The following RGCC variants were observed in gnomAD, a reference collection of about 807,000 sequenced individuals.
RGCC encodes the protein regulator of cell cycle RGCC.
RGCC carries 15 observed loss-of-function variants against 15.4 expected under a neutral mutation model. The observed-to-expected ratio is 0.97, with a 90% CI of 0.65 to 1.50. The LOEUF (loss-of-function observed/expected upper bound fraction) is 1.50. RGCC is among the 40% of genes most tolerant of loss of function. RGCC has a pLI of 0.00. For synonymous variants in RGCC, 81 were observed against 78.0 expected (o/e 1.04, Z -0.20); for missense variants, 176 against 189.7 (o/e 0.93, Z 0.42).
In RGCC at chr13:41,464,495, G is replaced by T. The variant is rs1310531288; in HGVS notation, c.236-2328G>T. On this transcript the variant is annotated intron_variant, in intron 2 of 4. Transcript: ENST00000379359. ...CTCGGTTGAGGGAGCCAGCAGGAGG[G>T]CTTCCCAAGTAAGGTTCCACGGAGT... 2.6e-4 allele frequency among the ~76,000 whole-genome samples: 39 copies of T among 152,252 alleles called. 1 individual carries two copies.
Position 41,457,641 on chromosome 13 carries a change from CG to C in RGCC, c.-66del, listed in dbSNP as rs575995929. ...TGAAGTGTGCGGGACAGCAAGCCCC[CG>C]AATAGCCCCGGCTGCCACCTCGCAG... On this transcript the variant is annotated 5_prime_UTR_variant, in exon 1 of 5. Transcript: ENST00000379359. The surrounding 1 kb of genome is among the most constrained non-coding windows in gnomAD (Gnocchi z 4.9). 2.1e-4 allele frequency: 314 copies of C among 1,500,304 alleles called. 5 individuals carry two copies. The South Asian group carries it at 3.7e-3, about 18-fold the overall frequency. 92.9% of individuals were successfully genotyped at this position (1,500,304 alleles called of 1,614,324 possible). A position where few individuals can be genotyped will look rare whatever the true frequency, so the allele number is the denominator to read the frequency against.
Position 41,457,929 on chromosome 13 carries a change from G to T in RGCC, c.49+173G>T, listed in dbSNP as rs1446567512. On this transcript the variant is annotated intron_variant, in intron 1 of 4. Transcript: ENST00000379359. This position sits in a 1 kb window ranked among gnomAD's most constrained non-coding sequence, Gnocchi z 4.9. ...GCAGCCTCCTTTCCGGCCCGGGCTGGCCCCCATGTCCCACCTTCCCTCCAC... is the reference window on the plus strand; with the variant it reads ...GCAGCCTCCTTTCCGGCCCGGGCTGTCCCCCATGTCCCACCTTCCCTCCAC... Among the ~76,000 whole-genome samples the T allele has an allele frequency of 1.3e-5, 2 of 151,816 alleles. No individual in the cohort carries two copies. Among genetic ancestry groups the T allele is most frequent in the African/African-American group, 4.8e-5 (2 of 41,364 alleles).
intron 2 of RGCC, among the ~76,000 whole-genome samples, chr13:41,463,927 A>G (rs1034188984): frequency 2.0e-5 from 3 of 152,180 alleles, no homozygotes; most frequent in Admixed American, 6.5e-5. Context: ...TGTGAGGTGA[A>G]CAAATTGTGG....
At chr13:41,466,288 AAC>A (rs374828713) in intron 2 of RGCC, among the ~76,000 whole-genome samples, 325 of 143,220 alleles carry the variant, frequency 2.3e-3, no homozygotes, top group African/African-American at 5.1e-3. Flanking sequence ...CTTTCACACA[AAC>A]ACACACACAC....
At chr13:41,465,837 A>G (rs1481012152) in intron 2 of RGCC, among the ~76,000 whole-genome samples, 8 of 152,136 alleles carry the variant, frequency 5.3e-5, no homozygotes, top group Non-Finnish European at 8.8e-5. Context: ...CAAGAGAGCA[A>G]AGATCTCTCT....
chr13:41,459,148 C>T (rs904110870), intron 2 of RGCC, among the ~76,000 whole-genome samples: 2 of 152,130 alleles, frequency 1.3e-5, no homozygotes, highest in Non-Finnish European at 2.9e-5. Flanking sequence ...GTCTCTTTGT[C>T]CTGAACAACT....
intron 4 of RGCC, 119 bp from the exon 5 acceptor site, chr13:41,470,359 G>A (rs796083372): frequency 3.0e-5 from 30 of 998,294 alleles, no homozygotes; most frequent in African/African-American, 2.7e-4. Flanking sequence ...GACACTCATC[G>A]TGTGGGAAGC....
At chr13:41,464,462 G>A (rs2043837813) in intron 2 of RGCC, among the ~76,000 whole-genome samples, 1 of 152,128 alleles carries the variant, frequency 6.6e-6, no homozygotes, top group South Asian at 2.1e-4. Context: ...CCCACCTTTG[G>A]AGGTGGGCTC....
In RGCC at chr13:41,458,453, G is replaced by A. The variant is rs2043804702; in HGVS notation, c.218G>A (p.Gly73Asp). The change falls in exon 2 of 5, where the codon GGC becomes GAC. Residue 73 changes from glycine to aspartate, a missense_variant. Gly to Asp is a moderately conservative substitution (Grantham distance 94). Coordinates refer to ENST00000379359, the MANE Select transcript of RGCC (RefSeq NM_014059.3). This position sits in a 1 kb window ranked among gnomAD's most constrained non-coding sequence, Gnocchi z 4.4. ...AGCGCCAGTGTCAGCGACAGCAGCG[G>A]CTTCAGCGACTCGGAGAGTAAGTGC... ...RSSASVSDSS[G>D]FSDSESADSL... is the part of the protein sequence containing the mutation. The A allele has an allele frequency of 1.3e-6, 2 of 1,598,584 alleles. No individual in the cohort carries two copies. Among genetic ancestry groups the A allele is most frequent in the Non-Finnish European group, 1.7e-6 (2 of 1,177,560 alleles).
At chr13:41,463,682 C>T (rs1394890771) in intron 2 of RGCC, among the ~76,000 whole-genome samples, 1 of 152,150 alleles carries the variant, frequency 6.6e-6, no homozygotes, top group Non-Finnish European at 1.5e-5. Context: ...AAAATTCTCA[C>T]ATCAAGAAGG....
intron 2 of RGCC, among the ~76,000 whole-genome samples, chr13:41,466,304 TTC>T (rs1029017351): frequency 6.7e-6 from 1 of 149,760 alleles, no homozygotes; most frequent in African/African-American, 2.5e-5. Flanking sequence ...CACACACACT[TTC>T]TCTCTCACAC....
chr13:41,468,980 G>GCC, intron 4 of RGCC, 142 bp downstream of exon 4: 1 of 630,812 alleles, frequency 1.6e-6, no homozygotes, highest in Non-Finnish European at 2.7e-6. Context: ...AGGACCCTAG[G>GCC]CCGGGGCAGT....
rs1326544881 is a variant in RGCC at position 41,458,905 on chromosome 13, T to G, written c.235+435T>G. Reference sequence around the variant, plus strand: ...AATATTCATGAAACCAGGAAAGGTTTCATAAGCCCAAACTGCTGTTCTTGG... The same window carrying G: ...AATATTCATGAAACCAGGAAAGGTTGCATAAGCCCAAACTGCTGTTCTTGG... On this transcript the variant is annotated intron_variant, in intron 2 of 4. Coordinates refer to ENST00000379359, the MANE Select transcript of RGCC (RefSeq NM_014059.3). This position sits in a 1 kb window ranked among gnomAD's most constrained non-coding sequence, Gnocchi z 4.4. 1.3e-5 allele frequency among the ~76,000 whole-genome samples: 2 copies of G among 152,178 alleles called. No individual in the cohort carries two copies. The highest frequency in any genetic ancestry group is 2.9e-5 in the Non-Finnish European group (2 of 68,030).
intron 3 of RGCC, among the ~76,000 whole-genome samples, chr13:41,468,408 G>C (rs531977702): frequency 1.2e-4 from 18 of 152,142 alleles, no homozygotes; most frequent in Admixed American, 5.2e-4. Flanking sequence ...TTCCCTTCCT[G>C]CTCCTCACTC....
At chr13:41,470,090 T>G (rs995643021) in intron 4 of RGCC, among the ~76,000 whole-genome samples, 1 of 152,204 alleles carries the variant, frequency 6.6e-6, no homozygotes, top group African/African-American at 2.4e-5. Flanking sequence ...CAAAGCTGGT[T>G]ATTTAAAAAT....
intron 2 of RGCC, among the ~76,000 whole-genome samples, chr13:41,464,372 G>C (rs1019285600): frequency 1.3e-5 from 2 of 152,212 alleles, no homozygotes. Context: ...ACAACAGTAA[G>C]GCTTCCTTGC....
chr13:41,457,641 C>G lies in RGCC; in HGVS notation c.-67C>G, dbSNP rs912080236. ...TGAAGTGTGCGGGACAGCAAGCCCC[C>G]GAATAGCCCCGGCTGCCACCTCGCA... On this transcript the variant is annotated 5_prime_UTR_variant, in exon 1 of 5. Transcript: ENST00000379359. The surrounding 1 kb of genome is among the most constrained non-coding windows in gnomAD (Gnocchi z 4.9). The G allele has an allele frequency of 4.9e-5, 74 of 1,500,196 alleles. No homozygotes were observed. The highest frequency in any genetic ancestry group is 6.2e-5 in the Non-Finnish European group (70 of 1,126,596). The allele number at this position is 1,500,196 out of a possible 1,614,324, so 92.9% of individuals were successfully genotyped here.
Position 41,457,628 on chromosome 13 carries a change from G to T in RGCC, c.-80G>T, listed in dbSNP as rs1488252825. On this transcript the variant is annotated 5_prime_UTR_variant, in exon 1 of 5. Transcript: ENST00000379359. The surrounding 1 kb of genome is among the most constrained non-coding windows in gnomAD (Gnocchi z 4.9). ...GGACTGGCAGGGCTGAAGTGTGCGG[G>T]ACAGCAAGCCCCCGAATAGCCCCGG... The T allele has an allele frequency of 6.7e-7, 1 of 1,495,230 alleles. No homozygotes were observed. The allele number at this position is 1,495,230 out of a possible 1,614,324, so 92.6% of individuals were successfully genotyped here. A position where few individuals can be genotyped will look rare whatever the true frequency, so the allele number is the denominator to read the frequency against.
At chr13:41,465,840 A>C (rs535020662) in intron 2 of RGCC, among the ~76,000 whole-genome samples, 1 of 152,220 alleles carries the variant, frequency 6.6e-6, no homozygotes, top group South Asian at 2.1e-4. Flanking sequence ...GAGAGCAAAG[A>C]TCTCTCTTGA....
Sources: gnomAD v4.1 joint callset for allele counts (sites outside exome capture counted in the v4.1 genomes callset) on GRCh38, gnomAD v4.1.1 for gene constraint, Gnocchi (gnomAD v3.1) non-coding constraint, MANE v1.5 for transcripts, NCBI Gene and HGNC (gene_info 2026-07-23, HGNC 2026-07-21) for gene names.